IDO2: variants seen among roughly 807,000 people sequenced by gnomAD.
IDO2 encodes indoleamine 2,3-dioxygenase-like 1 protein.
In IDO2, 46 loss-of-function variants were observed where a neutral mutation model predicts 45.1. The observed-to-expected ratio is 1.02, with a 90% CI of 0.80 to 1.30. IDO2 has a LOEUF of 1.30. IDO2 is among the 50% of genes most tolerant of loss of function. The probability of loss-of-function intolerance (pLI) is 0.00; values close to 1 mark genes in which losing one functional copy is unlikely to be tolerated. For synonymous variants in IDO2, 218 were observed against 184.9 expected (o/e 1.18, Z -1.45); for missense variants, 544 against 491.8 (o/e 1.11, Z -1.00).
At chr8:40,000,430 C>G (rs1235241418) in intron 8 of IDO2, among the ~76,000 whole-genome samples, 3 of 151,982 alleles carry the variant, frequency 2.0e-5, no homozygotes, top group Admixed American at 2.0e-4. Context: ...AAAAGTATTC[C>G]TAAACAGCAT....
chr8:39,999,877 C>T (rs1412536535), intron 8 of IDO2, among the ~76,000 whole-genome samples: 1 of 152,150 alleles, frequency 6.6e-6, no homozygotes, highest in Non-Finnish European at 1.5e-5. Flanking sequence ...AAACATTCAC[C>T]AGAGGCAGCC....
exon 5 of IDO2, chr8:39,982,762 T>C (rs1447988855): frequency 6.3e-7 from 1 of 1,583,048 alleles, no homozygotes; most frequent in East Asian, 2.3e-5. Flanking sequence ...CCAAAAAAGA[T>C]CCAGACGGGT....
Position 39,973,156 on chromosome 8 carries a change from G to T in IDO2, c.196-5911G>T, listed in dbSNP as rs149410334. 5.5e-3 allele frequency among the ~76,000 whole-genome samples: 843 copies of T among 152,298 alleles called. 7 individuals are homozygous for T. Among genetic ancestry groups the T allele is most frequent in the African/African-American group, 0.019 (780 of 41,564 alleles). On this transcript the variant is annotated intron_variant, in intron 3 of 10. Transcript: ENST00000502986. ...GAGGGAAGTTATAGATCAGCAAGGG[G>T]TAGGAGGGAAAGCTAGAATTAATAA...
chr8:39,945,167 G>T lies in IDO2; in HGVS notation c.-17-3982G>T, dbSNP rs570862061. Among the ~76,000 whole-genome samples, 7 of 152,364 alleles carry T rather than the reference G, an allele frequency of 4.6e-5. No individual in the cohort carries two copies. The East Asian group carries it at 1.3e-3, about 29-fold the overall frequency. On this transcript the variant is annotated intron_variant, in intron 1 of 10. Transcript: ENST00000502986. The stretch of plus-strand genomic sequence containing the variant: ...GCAGGGTGGCCATGCTACAGTCTGG[G>T]AAGCATTGCCTCTGGCTGGAAGCCA...
At chr8:39,984,859 A>C in intron 5 of IDO2, 2 of 413,742 alleles carry the variant, frequency 4.8e-6, no homozygotes, top group Non-Finnish European at 9.4e-6. Context: ...GTTGAGTAGG[A>C]ATCAACTAGC....
chr8:40,015,836 G>T (rs1053442733), exon 11 of IDO2: 1 of 471,836 alleles, frequency 2.1e-6, no homozygotes, highest in African/African-American at 1.9e-5. Flanking sequence ...ATGTATAATG[G>T]ATACTTCCTC....
chr8:40,000,726 G>A (rs1289933914), intron 8 of IDO2, among the ~76,000 whole-genome samples: 3 of 152,150 alleles, frequency 2.0e-5, no homozygotes, highest in Non-Finnish European at 4.4e-5. Flanking sequence ...GTTTTCTGTA[G>A]GGTGGACACC....
chr8:39,995,251 C>CTT (rs1554548609), intron 8 of IDO2: 58 of 78,036 alleles, frequency 7.4e-4, no homozygotes, highest in Non-Finnish European at 1.1e-3. Context: ...TTCTCCTTCT[C>CTT]CTTCTTCTTC....
chr8:39,988,037 C>A, intron 7 of IDO2, 67 bp downstream of exon 7: 2 of 880,032 alleles, frequency 2.3e-6, no homozygotes, highest in East Asian at 2.6e-5. Flanking sequence ...CACTCAGTGC[C>A]TTTCCTGCAG....
At chr8:39,980,934 G>A (rs1232369485) in intron 4 of IDO2, among the ~76,000 whole-genome samples, 2 of 151,780 alleles carry the variant, frequency 1.3e-5, no homozygotes, top group African/African-American at 4.8e-5. Context: ...TGTATTTTTA[G>A]TAGAGACGGG....
chr8:39,990,884 G>C (rs1413701555), intron 8 of IDO2, among the ~76,000 whole-genome samples: 1 of 152,162 alleles, frequency 6.6e-6, no homozygotes, highest in Non-Finnish European at 1.5e-5. Flanking sequence ...CATCTGGGAG[G>C]CTCTTCAAAT....
intron 1 of IDO2, among the ~76,000 whole-genome samples, chr8:39,943,835 C>A (rs1563423388): frequency 6.6e-6 from 1 of 151,676 alleles, no homozygotes; most frequent in African/African-American, 2.4e-5. Context: ...AAGACAAGCA[C>A]GCCAACTCTC....
chr8:39,976,106 A>T (rs1336460014), intron 3 of IDO2, among the ~76,000 whole-genome samples: 2 of 151,956 alleles, frequency 1.3e-5, no homozygotes, highest in Non-Finnish European at 1.5e-5. Flanking sequence ...CTGCCTCCCA[A>T]GTAGCTGGGA....
At chr8:39,947,652 T>A (rs1807758353) in intron 1 of IDO2, among the ~76,000 whole-genome samples, 2 of 152,206 alleles carry the variant, frequency 1.3e-5, no homozygotes, top group Admixed American at 1.3e-4. Flanking sequence ...GTAGGGTGGA[T>A]GTGTCAGGTT....
intron 2 of IDO2, among the ~76,000 whole-genome samples, chr8:39,949,976 C>A (rs1807789215): frequency 2.6e-5 from 4 of 152,076 alleles, no homozygotes; most frequent in Admixed American, 2.6e-4. Context: ...CATCATTTAG[C>A]CCTTATAAAC....
At chr8:40,015,306 G>T (rs981410825) in exon 11 of IDO2, 1 of 1,613,752 alleles carries the variant, frequency 6.2e-7, no homozygotes, top group Non-Finnish European at 8.5e-7. Context: ...CTTCATAGAA[G>T]ACATCCACTC....
chr8:39,962,497 C>A (rs1477965006), intron 2 of IDO2, among the ~76,000 whole-genome samples: 3 of 152,184 alleles, frequency 2.0e-5, no homozygotes, highest in Non-Finnish European at 4.4e-5. Context: ...TTTCTAGGCT[C>A]ATCTTTCATC....
intron 9 of IDO2, among the ~76,000 whole-genome samples, chr8:40,012,456 A>T (rs1802323000): frequency 6.6e-6 from 1 of 152,190 alleles, no homozygotes; most frequent in African/African-American, 2.4e-5. Flanking sequence ...CTATGAAATG[A>T]AGTATTTAAA....
intron 9 of IDO2, among the ~76,000 whole-genome samples, chr8:40,013,221 C>T (rs1054821720): frequency 7.2e-5 from 11 of 152,148 alleles, no homozygotes; most frequent in African/African-American, 1.9e-4. Context: ...TCCAGAGCCC[C>T]TAAAATGTGC....
Sources: allele counts gnomAD v4.1 joint callset (sites outside exome capture counted in the v4.1 genomes callset), GRCh38; gene constraint gnomAD v4.1.1; transcripts MANE v1.5; gene names NCBI Gene and HGNC (gene_info 2026-07-23, HGNC 2026-07-21).